Variants in DPYD observed in about 807,000 individuals in gnomAD.
DPYD encodes the protein dihydropyrimidine dehydrogenase [NADP(+)].
A neutral mutation model predicts 116.2 loss-of-function variants in DPYD; 109 were observed. The observed-to-expected ratio is 0.94, with a 90% confidence interval of 0.80 to 1.10. The LOEUF is 1.10. Ranked by LOEUF, DPYD falls within the 50% of genes least tolerant of loss-of-function variation. DPYD has a pLI of 0.00. For missense variants in DPYD, 1,302 were observed against 1,254.5 expected, an observed-to-expected ratio of 1.04 and a Z score of -0.57; for synonymous variants, 440 against 432.0, an observed-to-expected ratio of 1.02 and a Z score of -0.23.
rs7415016 is a variant in DPYD at position 97,318,312 on chromosome 1, T to G, written c.2059-12015A>C. Among the ~76,000 whole-genome samples the G allele has an allele frequency of 6.2e-5, 7 of 113,434 alleles. 1 individual carries two copies. Among genetic ancestry groups the G allele is most frequent in the African/African-American group, 2.1e-4 (7 of 32,992 alleles). 74.4% of individuals were successfully genotyped at this position (113,434 alleles called of 152,430 possible). A position where few individuals can be genotyped will look rare whatever the true frequency, so the allele number is the denominator to read the frequency against. ...AGTTGGATAAAGAGTCAAGACCCAT[T>G]AGTGTGCTGTATTCAGGAAACCCAT... On this transcript the variant is annotated intron_variant, in intron 16 of 22. Transcript: ENST00000370192.
chr1:97,599,762 G>T (rs1169679099), intron 8 of DPYD, among the ~76,000 whole-genome samples: 3 of 143,044 alleles, frequency 2.1e-5, no homozygotes, highest in Admixed American at 7.4e-5. Context: ...GGTGGCTCCT[G>T]CCTGTAATCC....
At chr1:97,502,947 T>C (rs1480195149) in intron 13 of DPYD, among the ~76,000 whole-genome samples, 6 of 152,030 alleles carry the variant, frequency 3.9e-5, no homozygotes, top group African/African-American at 1.4e-4. Context: ...TTTAGATAAG[T>C]TAACTAATTT....
intron 16 of DPYD, among the ~76,000 whole-genome samples, chr1:97,326,802 CAAT>C (rs1668726615): frequency 6.6e-6 from 1 of 151,748 alleles, no homozygotes; most frequent in Non-Finnish European, 1.5e-5. Flanking sequence ...AGAAAACTAA[CAAT>C]AAATTAATCT....
At chr1:97,268,489 A>T (rs542289906) in intron 18 of DPYD, among the ~76,000 whole-genome samples, 1 of 152,146 alleles carries the variant, frequency 6.6e-6, no homozygotes, top group East Asian at 1.9e-4. Flanking sequence ...TAACCGAGAG[A>T]TCCTTTGAAA....
chr1:97,570,694 T>C (rs886148420), intron 11 of DPYD, among the ~76,000 whole-genome samples: 3 of 151,912 alleles, frequency 2.0e-5, no homozygotes, highest in African/African-American at 7.2e-5. Context: ...AAGATCTGTT[T>C]TAGGTAAATC....
At chr1:97,176,416 G>C (rs1657265293) in intron 20 of DPYD, among the ~76,000 whole-genome samples, 3 of 152,148 alleles carry the variant, frequency 2.0e-5, no homozygotes, top group African/African-American at 7.2e-5. Context: ...CCCCACACAA[G>C]GTCAGCTTCC....
At chr1:97,615,302 A>G in intron 8 of DPYD, among the ~76,000 whole-genome samples, 1 of 152,084 alleles carries the variant, frequency 6.6e-6, no homozygotes, top group African/African-American at 2.4e-5. Context: ...TGTCTTTTTG[A>G]ACTATGAGAT....
chr1:97,671,947 T>TA (rs1659891446), intron 8 of DPYD, among the ~76,000 whole-genome samples: 1 of 106,452 alleles, frequency 9.4e-6, no homozygotes, highest in Admixed American at 8.9e-5. Context: ...TTATCTATTA[T>TA]TTTTTTTTTT....
chr1:97,810,338 A>G (rs1487472395), intron 3 of DPYD, among the ~76,000 whole-genome samples: 1 of 151,288 alleles, frequency 6.6e-6, no homozygotes, highest in Non-Finnish European at 1.5e-5. Flanking sequence ...AAGGGCACTT[A>G]CCCATCTCGC....
intron 16 of DPYD, among the ~76,000 whole-genome samples, chr1:97,315,215 G>A (rs1438182449): frequency 6.6e-6 from 1 of 151,960 alleles, no homozygotes; most frequent in Non-Finnish European, 1.5e-5. Flanking sequence ...CCAGCTGCAG[G>A]AGTGTGGTGA....
intron 20 of DPYD, among the ~76,000 whole-genome samples, chr1:97,176,352 A>G (rs984404804): frequency 7.9e-5 from 12 of 152,152 alleles, no homozygotes; most frequent in Middle Eastern, 3.4e-3. Context: ...TATTGCCCCT[A>G]TGGAGATGGA....
intron 3 of DPYD, among the ~76,000 whole-genome samples, chr1:97,824,290 A>G (rs909250962): frequency 2.0e-5 from 3 of 152,100 alleles, no homozygotes; most frequent in Non-Finnish European, 4.4e-5. Context: ...GTTTTCTAAG[A>G]AAGTAAGTGT....
At chr1:97,358,559 C>A (rs1374827302) in intron 16 of DPYD, among the ~76,000 whole-genome samples, 1 of 152,208 alleles carries the variant, frequency 6.6e-6, no homozygotes, top group Non-Finnish European at 1.5e-5. Flanking sequence ...TAGGGGCCGA[C>A]AGACACCACA....
intron 16 of DPYD, among the ~76,000 whole-genome samples, chr1:97,359,647 C>T (rs917182459): frequency 2.0e-5 from 3 of 152,126 alleles, no homozygotes; most frequent in Non-Finnish European, 2.9e-5. Context: ...AGAGTGGGGG[C>T]CAATATACAA....
At chr1:97,735,121 G>A (rs963917531) in intron 4 of DPYD, among the ~76,000 whole-genome samples, 13 of 152,088 alleles carry the variant, frequency 8.5e-5, no homozygotes, top group African/African-American at 2.9e-4. Context: ...GAGGACTGGC[G>A]GTAAAGCCAC....
chr1:97,695,374 G>A (rs558972407), intron 6 of DPYD, among the ~76,000 whole-genome samples: 1 of 147,346 alleles, frequency 6.8e-6, no homozygotes. Context: ...TCTATTCTGA[G>A]TATCTAGTAT....
intron 4 of DPYD, among the ~76,000 whole-genome samples, chr1:97,734,974 C>T (rs187795488): frequency 2.0e-5 from 3 of 152,248 alleles, no homozygotes; most frequent in African/African-American, 7.2e-5. Flanking sequence ...CAGTCTTAAA[C>T]TTGGGTACAC....
rs148317729 is a variant in DPYD, at chr1:97,739,255, G to A, written c.321+1137C>T. Among the ~76,000 whole-genome samples, 358 of 152,062 alleles carry A rather than the reference G, an allele frequency of 2.4e-3. 5 individuals carry two copies. Among genetic ancestry groups the A allele is most frequent in the African/African-American group, 8.3e-3 (344 of 41,484 alleles). ...AACTAATAATTCCACATAAAAAATT[G>A]TTGAGTAATCACTATATTAGACATT... On this transcript the variant is annotated intron_variant, in intron 4 of 22. Transcript: ENST00000370192.
At chr1:97,079,337 T>A (rs146267044) in intron 22 of DPYD, among the ~76,000 whole-genome samples, 191 bp from the exon 23 acceptor site, 1 of 152,120 alleles carries the variant, frequency 6.6e-6, no homozygotes, top group African/African-American at 2.4e-5. Context: ...AGAAATCCTT[T>A]TAAATTAAAA....
Sources: allele counts gnomAD v4.1 joint callset (sites outside exome capture counted in the v4.1 genomes callset), GRCh38; gene constraint gnomAD v4.1.1; transcripts MANE v1.5; gene names NCBI Gene and HGNC (gene_info 2026-07-23, HGNC 2026-07-21).